STK32B: variants seen among roughly 807,000 people sequenced by gnomAD.
STK32B encodes the protein serine/threonine-protein kinase 32B.
In STK32B, 43 loss-of-function variants were observed where a neutral mutation model predicts 52.6. That is an observed-to-expected ratio of 0.82 (90% CI 0.64 to 1.05). The LOEUF (loss-of-function observed/expected upper bound fraction) is 1.05, where lower values mean the gene tolerates loss of function less well. Among genes scored for constraint, STK32B ranks in the 50% least tolerant of loss-of-function variants. The pLI, the probability that STK32B is intolerant of heterozygous loss-of-function variation, is 0.00. For missense variants in STK32B, 621 were observed against 534.6 expected (o/e 1.16, Z -1.59); for synonymous variants, 238 against 204.3 (o/e 1.17, Z -1.41).
At chr4:5,192,387 T>C (rs952056307) in intron 3 of STK32B, among the ~76,000 whole-genome samples, 1 of 152,120 alleles carries the variant, frequency 6.6e-6, no homozygotes, top group African/African-American at 2.4e-5. Context: ...TGGTGCTTTA[T>C]TAATAAAAAC....
At chr4:5,484,702 G>T (rs1204391954) in intron 11 of STK32B, among the ~76,000 whole-genome samples, 2 of 152,108 alleles carry the variant, frequency 1.3e-5, no homozygotes, top group African/African-American at 2.4e-5. Context: ...TTTACAATTT[G>T]GCATGTTTTT....
chr4:5,168,477 T>G, intron 3 of STK32B, 27 bp downstream of exon 3: 2 of 1,598,630 alleles, frequency 1.3e-6, no homozygotes, highest in Admixed American at 1.7e-5. Flanking sequence ...CCAGGGCTCC[T>G]GTGGGTTCCC....
At chr4:5,056,163 G>GTGCACTCCTTATGAGAATCTAACTA (rs1741998489) in intron 1 of STK32B, among the ~76,000 whole-genome samples, 1 of 152,164 alleles carries the variant, frequency 6.6e-6, no homozygotes, top group African/African-American at 2.4e-5. Flanking sequence ...GATCTAGGTT[G>GTGCACTCCTTATGAGAATCTAACTA]TGCACTCCTT....
At chr4:5,111,109 A>T (rs1213951517) in intron 1 of STK32B, among the ~76,000 whole-genome samples, 1 of 152,180 alleles carries the variant, frequency 6.6e-6, no homozygotes, top group South Asian at 2.1e-4. Context: ...AAAGTCAAAA[A>T]CAACAGATGT....
intron 3 of STK32B, among the ~76,000 whole-genome samples, chr4:5,317,202 TTA>T (rs1553871645): frequency 4.9e-4 from 22 of 45,204 alleles, no homozygotes; most frequent in South Asian, 7.3e-4. Flanking sequence ...CATATATATA[TTA>T]TATATATAAC....
At chr4:5,136,081 A>T (rs1171177068) in intron 1 of STK32B, among the ~76,000 whole-genome samples, 1 of 152,186 alleles carries the variant, frequency 6.6e-6, no homozygotes, top group East Asian at 1.9e-4. Context: ...GTTCCAGGTG[A>T]TTCTGAAAAC....
chr4:5,147,096 A>G (rs376033664), intron 2 of STK32B, among the ~76,000 whole-genome samples: 6 of 151,748 alleles, frequency 4.0e-5, no homozygotes, highest in African/African-American at 1.2e-4. Context: ...TATTTTAGTG[A>G]TGTTTTGTCA....
chr4:5,194,723 A>T (rs996736386), intron 3 of STK32B, among the ~76,000 whole-genome samples: 1 of 152,234 alleles, frequency 6.6e-6, no homozygotes, highest in Non-Finnish European at 1.5e-5. Context: ...ATGGTTCTGC[A>T]GGCTGCACAG....
At chr4:5,347,288 C>T (rs1414001517) in intron 4 of STK32B, among the ~76,000 whole-genome samples, 1 of 152,170 alleles carries the variant, frequency 6.6e-6, no homozygotes, top group African/African-American at 2.4e-5. Flanking sequence ...TGAGTTCAGG[C>T]ACATCATCTA....
intron 3 of STK32B, among the ~76,000 whole-genome samples, chr4:5,329,009 A>C (rs1732054840): frequency 6.6e-6 from 1 of 152,182 alleles, no homozygotes; most frequent in Non-Finnish European, 1.5e-5. Context: ...AATAATACCA[A>C]CAATAATAAA....
chr4:5,049,249 T>G (rs1234824677), upstream of STK32B, among the ~76,000 whole-genome samples: 1 of 151,318 alleles, frequency 6.6e-6, no homozygotes, highest in East Asian at 1.9e-4. Context: ...CAGGTTGGAG[T>G]GCAGTGGCAC....
chr4:5,368,004 G>A (rs1223519023), intron 4 of STK32B, among the ~76,000 whole-genome samples: 1 of 152,118 alleles, frequency 6.6e-6, no homozygotes, highest in Non-Finnish European at 1.5e-5. Flanking sequence ...AAATGTGAGT[G>A]TGGAGGTCAG....
chr4:5,169,707 A>G (rs1177629711), intron 3 of STK32B, among the ~76,000 whole-genome samples: 2 of 151,926 alleles, frequency 1.3e-5, no homozygotes, highest in East Asian at 3.9e-4. Context: ...TGTTTGGGAG[A>G]AATAAACCCC....
intron 3 of STK32B, among the ~76,000 whole-genome samples, chr4:5,200,786 C>G (rs1240598785): frequency 6.6e-6 from 1 of 152,184 alleles, no homozygotes; most frequent in African/African-American, 2.4e-5. Context: ...CACCAAGCAT[C>G]ACATCAATGG....
chr4:5,268,758 C>A (rs9684577), intron 3 of STK32B, among the ~76,000 whole-genome samples: 1 of 151,728 alleles, frequency 6.6e-6, no homozygotes, highest in Admixed American at 6.6e-5. Context: ...TTGAAAAACC[C>A]CCTCTGCAGC....
chr4:5,285,372 A>T (rs947826167), intron 3 of STK32B, among the ~76,000 whole-genome samples: 1 of 152,272 alleles, frequency 6.6e-6, no homozygotes, highest in Middle Eastern at 3.4e-3. Context: ...AACATTCTGA[A>T]CTTACTAAAG....
chr4:5,056,624 G>A (rs969876054), intron 1 of STK32B, among the ~76,000 whole-genome samples: 18 of 152,244 alleles, frequency 1.2e-4, no homozygotes, highest in Non-Finnish European at 2.6e-4. Context: ...AGAACTCTGA[G>A]TATGGAAAAG....
intron 4 of STK32B, among the ~76,000 whole-genome samples, chr4:5,341,559 C>A (rs537742144): frequency 6.6e-6 from 1 of 152,250 alleles, no homozygotes; most frequent in African/African-American, 2.4e-5. Flanking sequence ...ATGATTTCGT[C>A]GGTAACTTAC....
chr4:5,047,174 T>C (rs906796804), upstream of STK32B, among the ~76,000 whole-genome samples: 1 of 152,166 alleles, frequency 6.6e-6, no homozygotes, highest in African/African-American at 2.4e-5. Flanking sequence ...AGGAATGAGA[T>C]CATGTCCTTT....
Sources: gnomAD v4.1 joint callset for allele counts (sites outside exome capture counted in the v4.1 genomes callset) on GRCh38, gnomAD v4.1.1 for gene constraint, MANE v1.5 for transcripts, NCBI Gene and HGNC (gene_info 2026-07-23, HGNC 2026-07-21) for gene names.